Variants in MAGI1 observed in about 807,000 individuals in gnomAD.
The protein encoded by MAGI1 is membrane associated guanylate kinase, WW and PDZ domain containing 1, also known as membrane-associated guanylate kinase, WW and PDZ domain-containing protein 1.
A neutral mutation model predicts 139.9 loss-of-function variants in MAGI1; 58 were observed. The ratio of observed to expected loss-of-function variants is 0.41; its 90% CI spans 0.34 to 0.52. The LOEUF is 0.52. MAGI1 is among the 20% of genes least tolerant of loss of function. The pLI is 0.12. For synonymous variants in MAGI1, 812 were observed against 737.9 expected (o/e 1.10, Z -1.63); for missense variants, 1,874 against 1,901.6 (o/e 0.99, Z 0.27).
At chr3:66,011,914 T>C (rs1319400959) in intron 1 of MAGI1, among the ~76,000 whole-genome samples, 1 of 152,102 alleles carries the variant, frequency 6.6e-6, no homozygotes, top group Non-Finnish European at 1.5e-5. Flanking sequence ...GGATTGTCCT[T>C]TTTTCAAGGT....
chr3:65,823,925 A>G lies in MAGI1; in HGVS notation c.314-201837T>C, dbSNP rs149382065. ...GACTCCAGAATTTAAGAAACTGGGT[A>G]TGAATCTTGGTTCTGCCACTTACCA... On this transcript the variant is annotated intron_variant, in intron 1 of 22. Transcript: ENST00000402939. 3.6e-3 allele frequency among the ~76,000 whole-genome samples: 548 copies of G among 152,272 alleles called. 7 individuals are homozygous for G. Among genetic ancestry groups the G allele is most frequent in the African/African-American group, 0.012 (493 of 41,546 alleles).
At chr3:65,750,868 A>T (rs114018507) in intron 1 of MAGI1, among the ~76,000 whole-genome samples, 4,060 of 152,334 alleles carry the variant, frequency 0.027, 92 homozygotes, top group Non-Finnish European at 0.041. Flanking sequence ...GTACTACTTG[A>T]AATTTTTGCA....
chr3:65,771,840 A>G (rs2037977347), intron 1 of MAGI1, among the ~76,000 whole-genome samples: 1 of 152,230 alleles, frequency 6.6e-6, no homozygotes, highest in African/African-American at 2.4e-5. Context: ...TCTGAAGTCC[A>G]TTCTATGAGG....
intron 1 of MAGI1, among the ~76,000 whole-genome samples, chr3:65,911,775 T>C (rs978287635): frequency 6.6e-6 from 1 of 152,238 alleles, no homozygotes; most frequent in Non-Finnish European, 1.5e-5. Context: ...GCCCATTGGA[T>C]TATTTCCTAG....
At chr3:65,963,387 G>A (rs1321830945) in intron 1 of MAGI1, among the ~76,000 whole-genome samples, 1 of 151,504 alleles carries the variant, frequency 6.6e-6, no homozygotes, top group Non-Finnish European at 1.5e-5. Flanking sequence ...GGAGGCCAAG[G>A]TGGGTGGATC....
At chr3:65,961,250 A>G (rs2064410350) in intron 1 of MAGI1, among the ~76,000 whole-genome samples, 1 of 152,196 alleles carries the variant, frequency 6.6e-6, no homozygotes, top group South Asian at 2.1e-4. Flanking sequence ...GTCCAGTCGA[A>G]GAATTAGTCA....
intron 1 of MAGI1, among the ~76,000 whole-genome samples, chr3:65,642,404 C>T (rs1289440389): frequency 6.6e-6 from 1 of 152,082 alleles, no homozygotes; most frequent in African/African-American, 2.4e-5. Context: ...CCGGAAGACT[C>T]GAAGGGAATG....
chr3:65,842,581 G>C (rs1177130889), intron 1 of MAGI1, among the ~76,000 whole-genome samples: 1 of 152,004 alleles, frequency 6.6e-6, no homozygotes, highest in Non-Finnish European at 1.5e-5. Flanking sequence ...GGCTGGTCTT[G>C]AACTACCGAC....
intron 1 of MAGI1, among the ~76,000 whole-genome samples, chr3:65,932,016 A>C (rs1303404646): frequency 1.3e-5 from 2 of 152,228 alleles, no homozygotes; most frequent in Non-Finnish European, 2.9e-5. Flanking sequence ...CACAGAGATA[A>C]ATCAACAGAT....
At chr3:65,766,097 CT>C (rs139786742) in intron 1 of MAGI1, among the ~76,000 whole-genome samples, 4,514 of 152,270 alleles carry the variant, frequency 0.03, 87 homozygotes, top group Middle Eastern at 0.044. Context: ...TTACATTTGC[CT>C]TCCTAACATA....
intron 1 of MAGI1, among the ~76,000 whole-genome samples, chr3:65,837,555 G>A (rs72907587): frequency 0.017 from 2,636 of 152,220 alleles, 70 homozygotes; most frequent in African/African-American, 0.06. Flanking sequence ...AATATGCCAC[G>A]ACCCCACCCA....
intron 1 of MAGI1, among the ~76,000 whole-genome samples, chr3:65,742,746 T>C (rs550618614): frequency 6.6e-6 from 1 of 152,356 alleles, no homozygotes; most frequent in East Asian, 1.9e-4. Flanking sequence ...TCATATCTGA[T>C]TTCCACAGGA....
At chr3:65,456,931 T>A (rs928519722) in intron 5 of MAGI1, among the ~76,000 whole-genome samples, 2 of 152,226 alleles carry the variant, frequency 1.3e-5, no homozygotes, top group African/African-American at 4.8e-5. Flanking sequence ...ATTGTGACTA[T>A]ATAATAAAGT....
intron 13 of MAGI1, among the ~76,000 whole-genome samples, chr3:65,397,132 G>A (rs960527169): frequency 2.0e-5 from 3 of 152,178 alleles, no homozygotes; most frequent in Admixed American, 6.5e-5. Context: ...CTTGTAGGCT[G>A]TAGAAGCTTT....
intron 1 of MAGI1, among the ~76,000 whole-genome samples, chr3:65,662,944 G>C (rs2086281840): frequency 6.6e-6 from 1 of 152,044 alleles, no homozygotes; most frequent in African/African-American, 2.4e-5. Flanking sequence ...TCCACTTCCT[G>C]AAGTTCCACC....
chr3:65,761,419 C>G (rs1346468920), intron 1 of MAGI1, among the ~76,000 whole-genome samples: 1 of 152,044 alleles, frequency 6.6e-6, no homozygotes, highest in Non-Finnish European at 1.5e-5. Context: ...TCCAATAGAC[C>G]TAGTACCAGT....
intron 1 of MAGI1, among the ~76,000 whole-genome samples, chr3:65,656,749 A>G (rs1223418267): frequency 1.3e-5 from 2 of 152,158 alleles, no homozygotes; most frequent in Non-Finnish European, 2.9e-5. Flanking sequence ...CTGTAATCCC[A>G]GCACTTTGAG....
At chr3:65,389,482 G>A (rs922695559) in intron 14 of MAGI1, among the ~76,000 whole-genome samples, 2 of 152,270 alleles carry the variant, frequency 1.3e-5, no homozygotes, top group African/African-American at 2.4e-5. Flanking sequence ...GGTCAATAAA[G>A]CAATATCTCA....
chr3:65,669,219 A>G (rs1442698691), intron 1 of MAGI1, among the ~76,000 whole-genome samples: 2 of 152,172 alleles, frequency 1.3e-5, no homozygotes, highest in African/African-American at 4.8e-5. Context: ...GAAGAAAAAA[A>G]TGGGTGTCCC....
Sources: allele counts gnomAD v4.1 joint callset (sites outside exome capture counted in the v4.1 genomes callset), GRCh38; gene constraint gnomAD v4.1.1; transcripts MANE v1.5; gene names NCBI Gene and HGNC (gene_info 2026-07-23, HGNC 2026-07-21).